Variants in RYR2 observed in about 807,000 individuals in gnomAD.
The protein encoded by RYR2 is ryanodine receptor 2.
RYR2 carries 227 observed loss-of-function variants against 601.1 expected under a neutral mutation model. That is an observed-to-expected ratio of 0.38 (90% CI 0.34 to 0.42). RYR2 has a LOEUF of 0.42. RYR2 is among the 10% of genes least tolerant of loss of function. The pLI is 1.00. For synonymous variants in RYR2, 2,223 were observed against 2,175.1 expected, an observed-to-expected ratio of 1.02 and a Z score of -0.61; for missense variants, 4,646 against 6,156.5, an observed-to-expected ratio of 0.75 and a Z score of 8.21.
At chr1:237,285,598 G>T (rs1425763177) in intron 2 of RYR2, among the ~76,000 whole-genome samples, 2 of 152,032 alleles carry the variant, frequency 1.3e-5, no homozygotes, top group Admixed American at 1.3e-4. Context: ...CAAAAATATG[G>T]GTACCAATTC....
intron 2 of RYR2, among the ~76,000 whole-genome samples, chr1:237,295,294 A>G (rs1208166430): frequency 6.6e-6 from 1 of 152,006 alleles, no homozygotes; most frequent in African/African-American, 2.4e-5. Flanking sequence ...AAAATGAGTC[A>G]GGAAAGTCAG....
intron 22 of RYR2, among the ~76,000 whole-genome samples, chr1:237,504,046 A>G (rs1664950211): frequency 6.6e-6 from 1 of 152,172 alleles, no homozygotes; most frequent in African/African-American, 2.4e-5. Flanking sequence ...AACCCAATAA[A>G]CTGATTCCCT....
intron 1 of RYR2, among the ~76,000 whole-genome samples, chr1:237,109,769 G>A: frequency 6.6e-6 from 1 of 151,772 alleles, no homozygotes; most frequent in East Asian, 1.9e-4. Context: ...TAGGGGAAAC[G>A]GAAATTTACA....
intron 5 of RYR2, among the ~76,000 whole-genome samples, chr1:237,366,016 A>T (rs79801887): frequency 6.6e-6 from 1 of 152,364 alleles, no homozygotes; most frequent in East Asian, 1.9e-4. Context: ...AGGGGAGGGC[A>T]TATGCATGCA....
chr1:237,453,412 G>T (rs901051076), intron 14 of RYR2, among the ~76,000 whole-genome samples: 2 of 152,196 alleles, frequency 1.3e-5, no homozygotes. Flanking sequence ...AAACTATAAA[G>T]TTCAAAGCTA....
chr1:237,300,796 G>A (rs1013146694), intron 2 of RYR2, among the ~76,000 whole-genome samples: 4 of 152,076 alleles, frequency 2.6e-5, no homozygotes, highest in Admixed American at 6.5e-5. Context: ...ATACGTCCGA[G>A]TTTGCTAGGG....
chr1:237,822,070 G>A (rs538918949), intron 101 of RYR2, among the ~76,000 whole-genome samples: 111 of 152,188 alleles, frequency 7.3e-4, no homozygotes, highest in Non-Finnish European at 1.3e-3. Context: ...TGAAAGTGAC[G>A]GGAGAATGGA....
At chr1:237,278,303 C>T (rs1004590048) in intron 2 of RYR2, among the ~76,000 whole-genome samples, 5 of 118,880 alleles carry the variant, frequency 4.2e-5, no homozygotes, top group Admixed American at 1.2e-4. Context: ...GTTGCCCAGG[C>T]TGGTCTCAAA....
intron 1 of RYR2, among the ~76,000 whole-genome samples, chr1:237,130,147 G>A (rs187234268): frequency 2.0e-5 from 3 of 152,290 alleles, no homozygotes; most frequent in Admixed American, 2.0e-4. Flanking sequence ...ATGTTAATTA[G>A]TTTGAGTTAA....
At chr1:237,531,256 T>C (rs1353352442) in intron 25 of RYR2, among the ~76,000 whole-genome samples, 1 of 152,208 alleles carries the variant, frequency 6.6e-6, no homozygotes, top group East Asian at 1.9e-4. Flanking sequence ...AGATAGATGC[T>C]GTAGTACTGG....
chr1:237,719,408 C>T (rs1007063780), intron 73 of RYR2, among the ~76,000 whole-genome samples: 6 of 152,084 alleles, frequency 3.9e-5, no homozygotes, highest in African/African-American at 1.2e-4. Context: ...AATTGATTCA[C>T]GGTTCTGCAG....
At chr1:237,124,337 G>T (rs1397202223) in intron 1 of RYR2, among the ~76,000 whole-genome samples, 1 of 152,152 alleles carries the variant, frequency 6.6e-6, no homozygotes, top group Non-Finnish European at 1.5e-5. Context: ...TGACCATTCG[G>T]TATCTGCTTG....
intron 72 of RYR2, among the ~76,000 whole-genome samples, chr1:237,717,635 TG>T (rs1285991785): frequency 6.6e-6 from 1 of 151,944 alleles, no homozygotes; most frequent in Admixed American, 6.6e-5. Flanking sequence ...GTGAAAAAAA[TG>T]GATTTCATAT....
chr1:237,290,122 A>G (rs533118110), intron 2 of RYR2, among the ~76,000 whole-genome samples: 11 of 152,304 alleles, frequency 7.2e-5, no homozygotes, highest in Admixed American at 6.5e-4. Flanking sequence ...ATAGCCTAAA[A>G]CTGGAAATGA....
At position 237,333,671 on chromosome 1, in the gene RYR2, A is replaced by C. The variant is rs553368653; in HGVS notation, c.273+2689A>C. 1.1e-5 allele frequency: 5 copies of C among 455,860 alleles called. No homozygotes were observed. The East Asian group carries it at 3.5e-4, about 32-fold the overall frequency. 28.2% of individuals were successfully genotyped at this position (455,860 alleles called of 1,614,324 possible). On this transcript the variant is annotated intron_variant, in intron 3 of 104. Coordinates refer to ENST00000366574, the MANE Select transcript of RYR2 (RefSeq NM_001035.3). ...ATGGATGCTGCTGGCACTTGTAGGA[A>C]CCAAGTCTTCTGAACTCCAAATATC...
chr1:237,765,506 A>G lies in RYR2; in HGVS notation c.11476+4478A>G, dbSNP rs148997416. Among the ~76,000 whole-genome samples, 235 of 152,310 alleles carry G rather than the reference A, an allele frequency of 1.5e-3. 1 individual carries two copies. The highest frequency in any genetic ancestry group is 5.0e-3 in the African/African-American group (209 of 41,578). ...GTTTCACTGAGGTTCTTACTGATAT[A>G]TTTATAATCATCTAATCAAATTTAT... On this transcript the variant is annotated intron_variant, in intron 84 of 104. Transcript: ENST00000366574.
At chr1:237,067,870 T>A (rs1294041272) in intron 1 of RYR2, among the ~76,000 whole-genome samples, 2 of 152,206 alleles carry the variant, frequency 1.3e-5, no homozygotes, top group Admixed American at 6.5e-5. Flanking sequence ...TTTAGCTGAG[T>A]TTTTAAACCT....
intron 29 of RYR2, among the ~76,000 whole-genome samples, chr1:237,584,660 T>TTTTTG (rs1674319947): frequency 7.2e-6 from 1 of 138,624 alleles, no homozygotes; most frequent in African/African-American, 2.7e-5. Context: ...TTTTTTTTTT[T>TTTTTG]TTTTTTTTTT....
chr1:237,465,677 C>T (rs778029579), intron 16 of RYR2, among the ~76,000 whole-genome samples: 5 of 152,120 alleles, frequency 3.3e-5, no homozygotes, highest in Middle Eastern at 3.2e-3. Context: ...TGGCCTACTG[C>T]GCGGCTACGC....
Sources: gnomAD v4.1 joint callset for allele counts (sites outside exome capture counted in the v4.1 genomes callset) on GRCh38, gnomAD v4.1.1 for gene constraint, MANE v1.5 for transcripts, NCBI Gene and HGNC (gene_info 2026-07-23, HGNC 2026-07-21) for gene names.